Variants in SMAP1 observed in about 807,000 individuals in gnomAD.
SMAP1 encodes small ArfGAP 1.
Under a neutral mutation model 58.5 loss-of-function variants are expected in SMAP1, and 24 were observed. The ratio of observed to expected loss-of-function variants is 0.41; its 90% CI spans 0.30 to 0.58. SMAP1 has a LOEUF of 0.58. Among genes scored for constraint, SMAP1 ranks in the 20% least tolerant of loss-of-function variants. SMAP1 has a pLI of 0.29. For missense variants in SMAP1, 563 were observed against 566.3 expected (o/e 0.99, Z 0.06); for synonymous variants, 216 against 196.6 (o/e 1.10, Z -0.82).
At chr6:70,742,074 G>C (rs1765836870) in intron 2 of SMAP1, among the ~76,000 whole-genome samples, 1 of 152,224 alleles carries the variant, frequency 6.6e-6, no homozygotes, top group African/African-American at 2.4e-5. Context: ...TGTGATAGGA[G>C]GGGCTGCCAG....
At chr6:70,825,861 A>G (rs1770092294) in intron 6 of SMAP1, among the ~76,000 whole-genome samples, 1 of 152,198 alleles carries the variant, frequency 6.6e-6, no homozygotes, top group Admixed American at 6.6e-5. Context: ...GCTAAGCCGA[A>G]TAAGCATGCC....
intron 1 of SMAP1, among the ~76,000 whole-genome samples, chr6:70,707,689 T>C (rs1358445933): frequency 2.0e-5 from 3 of 152,126 alleles, no homozygotes; most frequent in East Asian, 3.9e-4. Context: ...CACTGCAACC[T>C]CCACCTCCTG....
chr6:70,671,011 T>G (rs184712393), intron 1 of SMAP1, among the ~76,000 whole-genome samples: 1 of 152,190 alleles, frequency 6.6e-6, no homozygotes, highest in Admixed American at 6.5e-5. Context: ...ATGGAACTAC[T>G]CCTCCTCTCT....
intron 1 of SMAP1, among the ~76,000 whole-genome samples, chr6:70,688,228 T>C (rs1204984179): frequency 2.0e-5 from 3 of 152,214 alleles, no homozygotes; most frequent in Non-Finnish European, 4.4e-5. Flanking sequence ...GGACTGTTTG[T>C]AGTTTTTTAG....
chr6:70,697,613 G>A (rs912261846), intron 1 of SMAP1, among the ~76,000 whole-genome samples: 1 of 151,986 alleles, frequency 6.6e-6, no homozygotes, highest in Non-Finnish European at 1.5e-5. Flanking sequence ...GCCGCTTCTT[G>A]TCTTTTTGTG....
Position 70,861,057 on chromosome 6 carries a change from T to G in SMAP1, c.*723T>G, listed in dbSNP as rs2150018918. The G allele has an allele frequency of 4.6e-6, 1 of 217,916 alleles. No homozygotes were observed. Among genetic ancestry groups the G allele is most frequent in the South Asian group, 1.8e-4 (1 of 5,422 alleles). 13.5% of individuals were successfully genotyped at this position (217,916 alleles called of 1,614,324 possible). ...CTAACTAAAACAAAGCCACTTTCAA[T>G]CTTCAATCCTTGAAGGTATATCTAG... On this transcript the variant is annotated 3_prime_UTR_variant, in exon 11 of 11. Coordinates refer to ENST00000370455, the MANE Select transcript of SMAP1 (RefSeq NM_001044305.3).
intron 6 of SMAP1, among the ~76,000 whole-genome samples, chr6:70,836,527 A>G (rs1209414982): frequency 6.6e-6 from 1 of 152,174 alleles, no homozygotes; most frequent in Non-Finnish European, 1.5e-5. Context: ...TTCAAAATAT[A>G]TAATTTCATA....
At chr6:70,725,395 C>T (rs1179158298) in intron 1 of SMAP1, among the ~76,000 whole-genome samples, 1 of 151,866 alleles carries the variant, frequency 6.6e-6, no homozygotes, top group Non-Finnish European at 1.5e-5. Context: ...GGATTACAGG[C>T]GTGAGGGAAA....
chr6:70,729,721 C>A (rs1270714562), intron 1 of SMAP1, among the ~76,000 whole-genome samples: 2 of 152,090 alleles, frequency 1.3e-5, no homozygotes, highest in Admixed American at 1.3e-4. Context: ...GTCAGTTCTT[C>A]CTGGTGATTT....
At chr6:70,696,977 A>G (rs1039914899) in intron 1 of SMAP1, among the ~76,000 whole-genome samples, 2 of 152,168 alleles carry the variant, frequency 1.3e-5, no homozygotes, top group Non-Finnish European at 2.9e-5. Flanking sequence ...TGACCCCTTT[A>G]TCATTATAAA....
intron 4 of SMAP1, among the ~76,000 whole-genome samples, chr6:70,783,678 G>A (rs1321970519): frequency 1.2e-4 from 19 of 152,166 alleles, no homozygotes; most frequent in Admixed American, 8.5e-4. Context: ...GAGCCGATGC[G>A]ATCAACTGGA....
chr6:70,792,399 C>T (rs1361832907), intron 5 of SMAP1, among the ~76,000 whole-genome samples: 2 of 148,566 alleles, frequency 1.3e-5, no homozygotes, highest in Non-Finnish European at 3.0e-5. Flanking sequence ...CATTTTTTCC[C>T]GTAGACATGG....
chr6:70,683,087 A>G (rs527565994), intron 1 of SMAP1, among the ~76,000 whole-genome samples: 2 of 150,592 alleles, frequency 1.3e-5, no homozygotes, highest in South Asian at 2.1e-4. Context: ...GGGTATTCAT[A>G]TTTTTAAAAG....
chr6:70,668,680 C>T (rs1766141709), intron 1 of SMAP1: 4 of 1,536,032 alleles, frequency 2.6e-6, no homozygotes, highest in Non-Finnish European at 3.5e-6. Context: ...AGGCTTTTAT[C>T]TCTGCTTCCT....
intron 6 of SMAP1, among the ~76,000 whole-genome samples, chr6:70,801,774 C>T (rs537550803): frequency 1.3e-5 from 2 of 152,274 alleles, no homozygotes; most frequent in Admixed American, 6.5e-5. Context: ...AATAGGGAAT[C>T]GTTTCTCCAT....
At chr6:70,694,386 A>G (rs1005077755) in intron 1 of SMAP1, 9 of 156,142 alleles carry the variant, frequency 5.8e-5, no homozygotes, top group Admixed American at 5.2e-4. Context: ...TCATTTACAC[A>G]GTGAAAATCT....
intron 4 of SMAP1, among the ~76,000 whole-genome samples, chr6:70,788,356 C>T (rs570740605): frequency 6.9e-4 from 104 of 149,846 alleles, no homozygotes; most frequent in African/African-American, 2.2e-3. Flanking sequence ...TGCTAAATGA[C>T]GAGTTAATGG....
In SMAP1 at chr6:70,677,432, C is replaced by CTT. The variant is rs58133069; in HGVS notation, c.118+9318_118+9319dup. The stretch of plus-strand genomic sequence containing the variant: ...TCTTGAATCCCATACCTTGTCACTT[C>CTT]TTTTTTTTTTTTTTTTTTTTTTTTT... On this transcript the variant is annotated intron_variant, in intron 1 of 10. Transcript: ENST00000370455. 3.1e-4 allele frequency among the ~76,000 whole-genome samples: 19 copies of CTT among 60,424 alleles called. 1 individual carries two copies. The highest frequency in any genetic ancestry group is 7.4e-4 in the South Asian group (1 of 1,350). The allele number at this position is 60,424 out of a possible 152,430, so 39.6% of individuals were successfully genotyped here. A position where few individuals can be genotyped will look rare whatever the true frequency, so the allele number is the denominator to read the frequency against.
intron 2 of SMAP1, among the ~76,000 whole-genome samples, chr6:70,741,544 G>A (rs1765814672): frequency 6.6e-6 from 1 of 152,294 alleles, no homozygotes; most frequent in South Asian, 2.1e-4. Flanking sequence ...GCAGGGTATA[G>A]CCTCCCTCCT....
Sources: gnomAD v4.1 joint callset for allele counts (sites outside exome capture counted in the v4.1 genomes callset) on GRCh38, gnomAD v4.1.1 for gene constraint, MANE v1.5 for transcripts, NCBI Gene and HGNC (gene_info 2026-07-23, HGNC 2026-07-21) for gene names.